The following PARVB variants were observed in gnomAD, a reference collection of about 807,000 sequenced individuals.
The protein encoded by PARVB is parvin beta, also known as beta-parvin.
Under a neutral mutation model 47.0 loss-of-function variants are expected in PARVB, and 46 were observed. That is an observed-to-expected ratio of 0.98 (90% confidence interval 0.77 to 1.25). The LOEUF (loss-of-function observed/expected upper bound fraction) is 1.25, where lower values mean the gene tolerates loss of function less well. Among genes scored for constraint, PARVB ranks in the 50% most tolerant of loss-of-function variants. The pLI is 0.00. For synonymous variants in PARVB, 196 were observed against 196.3 expected, an observed-to-expected ratio of 1.00 and a Z score of 0.01; for missense variants, 473 against 471.6, an observed-to-expected ratio of 1.00 and a Z score of -0.03.
At chr22:44,004,724 A>T (rs1056983033) in intron 2 of PARVB, among the ~76,000 whole-genome samples, 3 of 152,162 alleles carry the variant, frequency 2.0e-5, no homozygotes, top group African/African-American at 7.2e-5. Flanking sequence ...TTCTGGACCT[A>T]TGTCCGGCTG....
At position 44,100,189 on chromosome 22, in the gene PARVB, C is replaced by A. The variant is rs2052409538; in HGVS notation, c.273+66C>A. 8 of 1,263,050 alleles carry A rather than the reference C, an allele frequency of 6.3e-6. No homozygotes were observed. In the South Asian group the frequency reaches 7.1e-5, roughly 11 times the overall value. The allele number at this position is 1,263,050 out of a possible 1,614,324, so 78.2% of individuals were successfully genotyped here. On this transcript the variant is annotated intron_variant, in intron 3 of 12. Coordinates refer to ENST00000338758, the MANE Select transcript of PARVB (RefSeq NM_013327.5). ...GAGGACTTGGCTTTGGGGTTCAGGGCTCTCATGGACAAAGGGAGCTAAACC... is the reference window on the plus strand; with the variant it reads ...GAGGACTTGGCTTTGGGGTTCAGGGATCTCATGGACAAAGGGAGCTAAACC...
chr22:44,021,955 A>C (rs2050655392), upstream of PARVB, among the ~76,000 whole-genome samples: 2 of 152,022 alleles, frequency 1.3e-5, no homozygotes, highest in South Asian at 4.2e-4. Context: ...ATGGAAATGA[A>C]CCTAGCCTAC....
chr22:44,005,171 C>T (rs1767470677), intron 2 of PARVB, among the ~76,000 whole-genome samples: 4 of 150,406 alleles, frequency 2.7e-5, no homozygotes, highest in Admixed American at 2.0e-4. Context: ...ACAATCACGG[C>T]TCACTGCAGC....
chr22:44,042,201 T>C (rs1421846773), intron 1 of PARVB, among the ~76,000 whole-genome samples: 1 of 152,136 alleles, frequency 6.6e-6, no homozygotes, highest in Admixed American at 6.5e-5. Flanking sequence ...GCAGGTGGAT[T>C]GCCTGAGGTC....
Position 44,052,488 on chromosome 22 carries a change from T to C in PARVB, c.112+28037T>C, listed in dbSNP as rs141211659. Among the ~76,000 whole-genome samples, 756 of 152,366 alleles carry C rather than the reference T, an allele frequency of 5.0e-3. 7 individuals are homozygous for C. Among genetic ancestry groups the C allele is most frequent in the African/African-American group, 0.017 (719 of 41,588 alleles). On this transcript the variant is annotated intron_variant, in intron 1 of 12. Coordinates refer to ENST00000338758, the MANE Select transcript of PARVB (RefSeq NM_013327.5). ...AACATTGTGTTATGAATGTTCTTCA[T>C]TGAGCAACTGCGATCTCTTTCTGTA...
chr22:44,073,277 G>T (rs879624715), intron 1 of PARVB, among the ~76,000 whole-genome samples: 3 of 152,208 alleles, frequency 2.0e-5, no homozygotes, highest in Non-Finnish European at 4.4e-5. Flanking sequence ...ATCACCGGAG[G>T]TCAGGGGTTC....
chr22:44,071,628 C>T (rs1354132324), intron 1 of PARVB, among the ~76,000 whole-genome samples: 3 of 152,158 alleles, frequency 2.0e-5, no homozygotes, highest in Non-Finnish European at 4.4e-5. Flanking sequence ...GACTGGAATC[C>T]CTGTCCTCAC....
intron 2 of PARVB, among the ~76,000 whole-genome samples, chr22:44,012,681 A>G (rs1195184834): frequency 6.6e-6 from 1 of 152,020 alleles, no homozygotes; most frequent in Non-Finnish European, 1.5e-5. Context: ...TTCTCTACAC[A>G]CTTCTAACTC....
chr22:44,018,265 G>A (rs2050605798), intron 2 of PARVB, among the ~76,000 whole-genome samples: 1 of 152,100 alleles, frequency 6.6e-6, no homozygotes, highest in Non-Finnish European at 1.5e-5. Flanking sequence ...AGCTGGGTTT[G>A]GTGGTGGGCA....
intron 1 of PARVB, among the ~76,000 whole-genome samples, chr22:44,051,695 G>T (rs1221776698): frequency 1.3e-5 from 2 of 152,164 alleles, no homozygotes; most frequent in Non-Finnish European, 1.5e-5. Flanking sequence ...TTGAGTGAAG[G>T]TCTCTGTTAG....
chr22:43,999,834 G>GAAAA (rs113458130), intron 2 of PARVB, among the ~76,000 whole-genome samples: 7,902 of 68,956 alleles, frequency 0.11, 530 homozygotes, highest in South Asian at 0.18. Flanking sequence ...CCATCTATAT[G>GAAAA]AAAAAAAAAA....
chr22:44,059,039 CTTTTTTT>C (rs11296450), intron 1 of PARVB, among the ~76,000 whole-genome samples: 3 of 73,050 alleles, frequency 4.1e-5, no homozygotes, highest in Admixed American at 1.7e-4. Context: ...CACCCTGTGG[CTTTTTTT>C]TTTTTTTTTT....
chr22:44,032,352 C>G (rs2050840976), intron 1 of PARVB, among the ~76,000 whole-genome samples: 3 of 152,148 alleles, frequency 2.0e-5, no homozygotes, highest in Admixed American at 2.0e-4. Context: ...CTCTGATGTT[C>G]TGACTAAGAG....
At chr22:44,157,008 G>T (rs941154071) in intron 10 of PARVB, among the ~76,000 whole-genome samples, 4 of 152,196 alleles carry the variant, frequency 2.6e-5, no homozygotes, top group Admixed American at 2.0e-4. Flanking sequence ...CTTACACACG[G>T]TTAAGATGGT....
chr22:44,026,250 C>G, intron 1 of PARVB: 4 of 924,266 alleles, frequency 4.3e-6, no homozygotes, highest in Non-Finnish European at 5.2e-6. Context: ...AATTCAGGCC[C>G]AGCCTGGTTT....
At chr22:44,027,728 T>C (rs976729579) in intron 1 of PARVB, among the ~76,000 whole-genome samples, 1 of 151,906 alleles carries the variant, frequency 6.6e-6, no homozygotes, top group Non-Finnish European at 1.5e-5. Flanking sequence ...TGAAACCCCA[T>C]CTCCAGTAAA....
chr22:44,122,528 C>CAG lies in PARVB; in HGVS notation c.376+3412_376+3413dup, dbSNP rs1286346736. The stretch of plus-strand genomic sequence containing the variant: ...AGAGAGAGAGAGAGAGACAGAGAGA[C>CAG]AGAGAGAGAGAGAGAGAGAGAGAGA... On this transcript the variant is annotated intron_variant, in intron 4 of 12. Coordinates refer to ENST00000338758, the MANE Select transcript of PARVB (RefSeq NM_013327.5). 4.0e-3 allele frequency among the ~76,000 whole-genome samples: 227 copies of CAG among 56,140 alleles called. 3 individuals are homozygous for CAG. Among genetic ancestry groups the CAG allele is most frequent in the East Asian group, 0.01 (13 of 1,298 alleles). The allele number at this position is 56,140 out of a possible 152,430, so 36.8% of individuals were successfully genotyped here. A position where few individuals can be genotyped will look rare whatever the true frequency, so the allele number is the denominator to read the frequency against.
At chr22:44,024,279 C>T (rs2050690778), upstream of PARVB, 2 of 944,036 alleles carry the variant, frequency 2.1e-6, no homozygotes, top group Non-Finnish European at 2.5e-6. Context: ...CTCGGCCTCT[C>T]CCCGGGGCGA....
At chr22:44,016,221 C>A (rs556749847) in intron 2 of PARVB, among the ~76,000 whole-genome samples, 1 of 151,872 alleles carries the variant, frequency 6.6e-6, no homozygotes, top group Non-Finnish European at 1.5e-5. Context: ...CTCAGCCTCC[C>A]GAGTAGCTGG....
Sources: gnomAD v4.1 joint callset for allele counts (sites outside exome capture counted in the v4.1 genomes callset) on GRCh38, gnomAD v4.1.1 for gene constraint, MANE v1.5 for transcripts, NCBI Gene and HGNC (gene_info 2026-07-23, HGNC 2026-07-21) for gene names.